The following FRAS1 variants were observed in gnomAD, a reference collection of about 807,000 sequenced individuals.
FRAS1 encodes extracellular matrix organizing protein FRAS1.
Under a neutral mutation model 435.2 loss-of-function variants are expected in FRAS1, and 290 were observed. The ratio of observed to expected loss-of-function variants is 0.67; its 90% CI spans 0.61 to 0.73. The LOEUF is 0.73. Among genes scored for constraint, FRAS1 ranks in the 30% least tolerant of loss-of-function variants. The pLI, the probability that FRAS1 is intolerant of heterozygous loss-of-function variation, is 0.00. For synonymous variants in FRAS1, 1,800 were observed against 1,851.0 expected, an observed-to-expected ratio of 0.97 and a Z score of 0.71; for missense variants, 4,860 against 5,001.5, an observed-to-expected ratio of 0.97 and a Z score of 0.85.
intron 2 of FRAS1, among the ~76,000 whole-genome samples, chr4:78,233,543 C>T (rs1040573744): frequency 6.6e-6 from 1 of 152,190 alleles, no homozygotes; most frequent in African/African-American, 2.4e-5. Flanking sequence ...TGCTGAATGC[C>T]TGTGACATAA....
chr4:78,341,259 A>T (rs141894168), intron 20 of FRAS1, among the ~76,000 whole-genome samples: 1,725 of 152,302 alleles, frequency 0.011, 11 homozygotes, highest in Non-Finnish European at 0.017. Flanking sequence ...TTATTTATTG[A>T]GACACCCATA....
chr4:78,506,363 T>A (rs752674428), intron 61 of FRAS1, among the ~76,000 whole-genome samples: 4 of 152,074 alleles, frequency 2.6e-5, no homozygotes, highest in Non-Finnish European at 4.4e-5. Flanking sequence ...AGAGGTGGAG[T>A]CTATAGAGGC....
chr4:78,071,291 T>C (rs990410456), intron 2 of FRAS1: 6 of 152,170 alleles, frequency 3.9e-5, no homozygotes, highest in Non-Finnish European at 5.9e-5. Flanking sequence ...TCTACTTAAT[T>C]GGGATTATAT....
In FRAS1 at chr4:78,538,870, G is replaced by A. The variant is rs1721962940; in HGVS notation, c.11299-424G>A. ...CTCCGGAGGCTGAGGCAGGAGAATG[G>A]CATGAACCCAGGAGGTGGAGCCAGC... On this transcript the variant is annotated intron_variant, in intron 72 of 73. Coordinates refer to ENST00000512123, the MANE Select transcript of FRAS1 (RefSeq NM_025074.7). Among the ~76,000 whole-genome samples the A allele has an allele frequency of 2.0e-5, 3 of 151,710 alleles. No homozygotes were observed. The South Asian group carries it at 6.3e-4, about 32-fold the overall frequency.
chr4:78,276,233 T>A (rs538555277), intron 9 of FRAS1, among the ~76,000 whole-genome samples: 1 of 152,132 alleles, frequency 6.6e-6, no homozygotes, highest in African/African-American at 2.4e-5. Context: ...TTTTTCAAGG[T>A]TTTTATCTTC....
At chr4:78,286,209 A>G (rs1254100336) in intron 13 of FRAS1, 196 bp from the exon 14 acceptor site, 14 of 705,084 alleles carry the variant, frequency 2.0e-5, no homozygotes, top group East Asian at 1.1e-4. Flanking sequence ...ATGAATTCAT[A>G]TACGTAAAGC....
chr4:78,134,087 T>C (rs2109987626), intron 2 of FRAS1, among the ~76,000 whole-genome samples: 1 of 151,500 alleles, frequency 6.6e-6, no homozygotes, highest in South Asian at 2.1e-4. Flanking sequence ...GCCTCCCGAG[T>C]AGCTGGGACT....
At chr4:78,142,420 T>C (rs575556636) in intron 2 of FRAS1, among the ~76,000 whole-genome samples, 1 of 152,016 alleles carries the variant, frequency 6.6e-6, no homozygotes, top group African/African-American at 2.4e-5. Context: ...ATTTAAAATA[T>C]TCTGTACTCA....
chr4:78,202,036 TGTCACAAC>T (rs1415820046), intron 2 of FRAS1, among the ~76,000 whole-genome samples: 1 of 152,102 alleles, frequency 6.6e-6, no homozygotes, highest in Non-Finnish European at 1.5e-5. Context: ...CATTTTTGGT[TGTCACAAC>T]TGGGGTGTTA....
chr4:78,332,520 T>C (rs1237598777), intron 18 of FRAS1, among the ~76,000 whole-genome samples: 1 of 152,180 alleles, frequency 6.6e-6, no homozygotes, highest in Non-Finnish European at 1.5e-5. Flanking sequence ...AGCCAAGATT[T>C]ATTAAGCCCT....
At position 78,498,225 on chromosome 4, in the gene FRAS1, A is replaced by T. The variant is rs1294804766; in HGVS notation, c.9115+1264A>T. 3.3e-5 allele frequency among the ~76,000 whole-genome samples: 5 copies of T among 152,194 alleles called. No homozygotes were observed. In the East Asian group the frequency reaches 9.6e-4, roughly 29 times the overall value. On this transcript the variant is annotated intron_variant, in intron 60 of 73. Transcript: ENST00000512123. ...CCAGAACTTAAAGTATAATTTTAAA[A>T]AAGGCCGGGTGCAGTGGCTCATGCC...
rs145388882 is a variant in FRAS1, at chr4:78,084,887, T to C, written c.108+18871T>C. The stretch of plus-strand genomic sequence containing the variant: ...TTCCTTTTAAAGAGAAAATGAAGCA[T>C]GAGTTTATGCCTATGCTTCCATTAA... On this transcript the variant is annotated intron_variant, in intron 2 of 73. Coordinates refer to ENST00000512123, the MANE Select transcript of FRAS1 (RefSeq NM_025074.7). Among the ~76,000 whole-genome samples, 131 of 152,228 alleles carry C rather than the reference T, an allele frequency of 8.6e-4. 1 individual carries two copies. Among genetic ancestry groups the C allele is most frequent in the African/African-American group, 3.0e-3 (126 of 41,568 alleles).
chr4:78,300,776 C>A (rs1039762850), intron 14 of FRAS1, among the ~76,000 whole-genome samples: 9 of 152,072 alleles, frequency 5.9e-5, no homozygotes, highest in Non-Finnish European at 1.0e-4. Flanking sequence ...CATGGCCCCC[C>A]ACTGTGCCTC....
At chr4:78,507,662 G>A in intron 62 of FRAS1, 54 bp downstream of exon 62, 1 of 1,488,780 alleles carries the variant, frequency 6.7e-7, no homozygotes, top group East Asian at 2.4e-5. Context: ...ACTAGTAGAT[G>A]AGAACTGAAG....
intron 58 of FRAS1, among the ~76,000 whole-genome samples, chr4:78,486,525 GA>G (rs1298010731): frequency 1.3e-5 from 2 of 152,184 alleles, no homozygotes; most frequent in Non-Finnish European, 2.9e-5. Context: ...CATCAGTGTG[GA>G]AAAAGAGGAG....
At chr4:78,341,552 T>C (rs1437017108) in intron 20 of FRAS1, among the ~76,000 whole-genome samples, 1 of 152,172 alleles carries the variant, frequency 6.6e-6, no homozygotes, top group Non-Finnish European at 1.5e-5. Flanking sequence ...GTATTAATAG[T>C]ATGTTAGGTT....
chr4:78,270,214 A>G (rs1423617374), intron 9 of FRAS1, among the ~76,000 whole-genome samples: 1 of 152,200 alleles, frequency 6.6e-6, no homozygotes, highest in Non-Finnish European at 1.5e-5. Flanking sequence ...TTCCCACCTC[A>G]CCAAAACTGA....
At chr4:78,067,618 C>T (rs1021467157) in intron 2 of FRAS1, among the ~76,000 whole-genome samples, 1 of 151,312 alleles carries the variant, frequency 6.6e-6, no homozygotes, top group Non-Finnish European at 1.5e-5. Flanking sequence ...CAGGTGACTT[C>T]TTTGCTTACC....
At chr4:78,532,505 T>G (rs7340973) in intron 70 of FRAS1, among the ~76,000 whole-genome samples, 138,297 of 152,224 alleles carry the variant, frequency 0.91, 64,207 homozygotes, top group East Asian at 1. Context: ...TTACCTGCAT[T>G]CACACGTGTG....
Sources: gnomAD v4.1 joint callset for allele counts (sites outside exome capture counted in the v4.1 genomes callset) on GRCh38, gnomAD v4.1.1 for gene constraint, MANE v1.5 for transcripts, NCBI Gene and HGNC (gene_info 2026-07-23, HGNC 2026-07-21) for gene names.